The following SLC30A8 variants were observed in gnomAD, a reference collection of about 807,000 sequenced individuals.
The protein encoded by SLC30A8 is solute carrier family 30 member 8, also known as proton-coupled zinc antiporter SLC30A8.
Under a neutral mutation model 36.9 loss-of-function variants are expected in SLC30A8, and 27 were observed. The observed-to-expected ratio is 0.73, with a 90% CI of 0.54 to 1.01. The LOEUF (loss-of-function observed/expected upper bound fraction) is 1.01. SLC30A8 is among the 50% of genes least tolerant of loss of function. SLC30A8 has a pLI of 0.00. For missense variants in SLC30A8, 439 were observed against 452.0 expected (o/e 0.97, Z 0.26); for synonymous variants, 164 against 172.4 (o/e 0.95, Z 0.38).
intron 7 of SLC30A8, 73 bp from the exon 8 acceptor site, chr8:117,172,463 T>C: frequency 6.2e-7 from 1 of 1,604,166 alleles, no homozygotes; most frequent in South Asian, 1.1e-5. Flanking sequence ...ACAAAGTACT[T>C]GAAGTTGGAG....
chr8:117,163,513 C>T lies in SLC30A8; in HGVS notation c.812C>T (p.Ser271Phe), dbSNP rs781293119. The T allele has an allele frequency of 2.5e-6, 4 of 1,611,772 alleles. No individual in the cohort carries two copies. The highest frequency in any genetic ancestry group is 3.4e-6 in the Non-Finnish European group (4 of 1,178,520). The change falls in exon 6 of 8, where the codon TCC (serine) becomes TTC (phenylalanine). Residue 271 changes from serine (S) to phenylalanine (F), a missense_variant. Physicochemically the swap from Ser to Phe is radical, Grantham distance 155 (BLOSUM62 -2). Transcript: ENST00000456015. The stretch of plus-strand genomic sequence containing the variant: ...ACCATCACTATCTTAAAGGACTTCT[C>T]CATCTTACTCATGGAAGGTAGGAGT... ...ASTITILKDF[S>F]ILLMEGVPKS...
At chr8:116,987,673 A>G (rs1029047460) in intron 1 of SLC30A8, among the ~76,000 whole-genome samples, 2 of 151,682 alleles carry the variant, frequency 1.3e-5, no homozygotes, top group Admixed American at 6.6e-5. Context: ...GTGTGTCCTT[A>G]ATACTTTTAT....
chr8:117,149,388 G>A (rs867625499), intron 2 of SLC30A8, among the ~76,000 whole-genome samples: 3 of 152,086 alleles, frequency 2.0e-5, no homozygotes, highest in Admixed American at 1.3e-4. Context: ...AAGCTGTGAC[G>A]AGTGCTTTCC....
chr8:117,089,291 A>T (rs780862392), intron 2 of SLC30A8, among the ~76,000 whole-genome samples: 4 of 152,198 alleles, frequency 2.6e-5, no homozygotes, highest in Admixed American at 6.5e-5. Context: ...TATATAACTG[A>T]CAAACTACCC....
At chr8:117,004,400 A>G (rs1280838319) in intron 1 of SLC30A8, among the ~76,000 whole-genome samples, 2 of 152,216 alleles carry the variant, frequency 1.3e-5, no homozygotes, top group Non-Finnish European at 2.9e-5. Flanking sequence ...GTCCTGGGAA[A>G]TATACACTAA....
chr8:116,963,421 C>G (rs2130598781), intron 1 of SLC30A8, among the ~76,000 whole-genome samples: 1 of 152,078 alleles, frequency 6.6e-6, no homozygotes, highest in South Asian at 2.1e-4. Flanking sequence ...ACGCTGTATC[C>G]ATTAAACCAT....
At chr8:116,973,621 A>G (rs1028996731) in intron 1 of SLC30A8, among the ~76,000 whole-genome samples, 20 of 152,206 alleles carry the variant, frequency 1.3e-4, no homozygotes, top group Non-Finnish European at 2.2e-4. Context: ...GCCCAAGGTG[A>G]TTTATAGATT....
Position 117,038,627 on chromosome 8 carries a change from G to GA in SLC30A8, c.-265-585dup, listed in dbSNP as rs1246652373. Among the ~76,000 whole-genome samples, 12 of 152,186 alleles carry GA rather than the reference G, an allele frequency of 7.9e-5. No homozygotes were observed. In the East Asian group the frequency reaches 2.1e-3, roughly 27 times the overall value. ...CATTGTGCATGTGGACATAGCTGTAGAAAAAAATCACTAGAGGTGGAAGTG... is the reference window on the plus strand; with the variant it reads ...CATTGTGCATGTGGACATAGCTGTAGAAAAAAAATCACTAGAGGTGGAAGTG... On this transcript the variant is annotated intron_variant, in intron 1 of 10. Transcript: ENST00000427715.
At chr8:117,047,888 C>G (rs1180223127) in intron 2 of SLC30A8, among the ~76,000 whole-genome samples, 2 of 152,208 alleles carry the variant, frequency 1.3e-5, no homozygotes, top group African/African-American at 2.4e-5. Flanking sequence ...AGAGTGACCT[C>G]TGGTCATTCC....
chr8:116,979,203 C>T (rs1333052312), intron 1 of SLC30A8, among the ~76,000 whole-genome samples: 1 of 129,288 alleles, frequency 7.7e-6, no homozygotes, highest in East Asian at 2.3e-4. Flanking sequence ...TTTGCCATTG[C>T]ACTCCAGCCT....
chr8:117,045,069 T>G (rs774328511), intron 2 of SLC30A8, among the ~76,000 whole-genome samples: 1 of 152,340 alleles, frequency 6.6e-6, no homozygotes, highest in Non-Finnish European at 1.5e-5. Flanking sequence ...GCATCCTCCT[T>G]CTTTTGGAAA....
At chr8:117,010,751 C>T (rs1365085963) in intron 1 of SLC30A8, among the ~76,000 whole-genome samples, 4 of 152,138 alleles carry the variant, frequency 2.6e-5, no homozygotes, top group East Asian at 1.9e-4. Context: ...GGGGAGGCCC[C>T]GGGAAGCTTC....
At chr8:117,117,913 CCAAGTTTTGATTACCTCTAT>C (rs1163164161) in intron 2 of SLC30A8, among the ~76,000 whole-genome samples, 4 of 151,886 alleles carry the variant, frequency 2.6e-5, no homozygotes, top group Non-Finnish European at 5.9e-5. Context: ...AAAGGACAAT[CCAAGTTTTGATTACCTCTAT>C]CAGAAATAGT....
intron 1 of SLC30A8, among the ~76,000 whole-genome samples, chr8:116,980,867 CTA>C (rs1186227456): frequency 5.3e-5 from 8 of 152,336 alleles, no homozygotes; most frequent in Admixed American, 2.6e-4. Flanking sequence ...TATAAAGACA[CTA>C]TCATTTCTGA....
chr8:116,975,061 C>T (rs1814939573), intron 1 of SLC30A8, among the ~76,000 whole-genome samples: 1 of 150,664 alleles, frequency 6.6e-6, no homozygotes, highest in Non-Finnish European at 1.5e-5. Flanking sequence ...GGAGGGATAG[C>T]ATTAGGAGAT....
intron 2 of SLC30A8, among the ~76,000 whole-genome samples, chr8:117,098,882 T>A (rs1183009124): frequency 6.6e-6 from 1 of 152,130 alleles, no homozygotes; most frequent in Non-Finnish European, 1.5e-5. Flanking sequence ...TAACATATAA[T>A]GCTTTTGAGG....
rs1490210682 is a variant in SLC30A8 at position 117,157,729 on chromosome 8, G to T, written c.457G>T (p.Val153Leu). 1 of 1,614,094 alleles carries T rather than the reference G, an allele frequency of 6.2e-7. No individual in the cohort carries two copies. Among genetic ancestry groups the T allele is most frequent in the Non-Finnish European group, 8.5e-7 (1 of 1,179,994 alleles). Reference sequence around the variant, plus strand: ...CCTGCTCTCCATCCTGTGCATCTGGGTGGTGACTGGCGTGCTAGTGTACCT... The same window carrying T: ...CCTGCTCTCCATCCTGTGCATCTGGTTGGTGACTGGCGTGCTAGTGTACCT... The part of the protein sequence containing the change: ...GALLSILCIW[V>L]VTGVLVYLAC... The change falls in exon 4 of 8, where the codon GTG becomes TTG. Residue 153 changes from valine to leucine, a missense_variant. Val to Leu is a conservative substitution (Grantham distance 32, BLOSUM62 1). Coordinates refer to ENST00000456015, the MANE Select transcript of SLC30A8 (RefSeq NM_173851.3).
chr8:117,077,404 C>G (rs1818524055), intron 2 of SLC30A8, among the ~76,000 whole-genome samples: 1 of 152,118 alleles, frequency 6.6e-6, no homozygotes, highest in South Asian at 2.1e-4. Flanking sequence ...TTTCTCTAAT[C>G]AATAAAACAA....
intron 2 of SLC30A8, among the ~76,000 whole-genome samples, chr8:117,084,392 A>C (rs1407201975): frequency 6.6e-6 from 1 of 152,142 alleles, no homozygotes; most frequent in Non-Finnish European, 1.5e-5. Flanking sequence ...GGACATTATG[A>C]CTTTATGTAT....
Sources: allele counts gnomAD v4.1 joint callset (sites outside exome capture counted in the v4.1 genomes callset), GRCh38; gene constraint gnomAD v4.1.1; transcripts MANE v1.5; gene names NCBI Gene and HGNC (gene_info 2026-07-23, HGNC 2026-07-21).